The following CHD9 variants were observed in gnomAD, a reference collection of about 807,000 sequenced individuals.
CHD9 encodes the protein chromodomain helicase DNA binding protein 9, also known as ATP-dependent chromatin remodeler CHD9.
CHD9 carries 77 observed loss-of-function variants against 316.1 expected under a neutral mutation model. That is an observed-to-expected ratio of 0.24 (90% CI 0.20 to 0.29). The LOEUF is 0.29. CHD9 is among the 10% of genes least tolerant of loss of function. CHD9 has a pLI of 1.00. For missense variants in CHD9, 2,763 were observed against 3,438.1 expected (o/e 0.80, Z 4.91); for synonymous variants, 1,129 against 1,158.3 (o/e 0.97, Z 0.51).
At chr16:53,311,205 T>A (rs2056452303) in intron 34 of CHD9, 1 of 152,030 alleles carries the variant, frequency 6.6e-6, no homozygotes, top group South Asian at 2.1e-4. Flanking sequence ...TAACACGACT[T>A]TTGCAGCTAT....
chr16:53,170,748 G>T (rs916416470), intron 2 of CHD9, among the ~76,000 whole-genome samples: 2 of 152,166 alleles, frequency 1.3e-5, no homozygotes, highest in South Asian at 4.1e-4. Context: ...GATATTGAGC[G>T]AAGGGATTTG....
At position 53,239,349 on chromosome 16, in the gene CHD9, C is replaced by T. The variant is rs1414050941; in HGVS notation, c.2877+763C>T. Among the ~76,000 whole-genome samples the T allele has an allele frequency of 2.6e-5, 4 of 151,984 alleles. No individual in the cohort carries two copies. The East Asian group carries it at 7.7e-4, about 29-fold the overall frequency. On this transcript the variant is annotated intron_variant, in intron 12 of 38. Coordinates refer to ENST00000447540, the MANE Select transcript of CHD9 (RefSeq NM_001308319.2). ...CTTATAATCTTAACACTTTGGGAGG[C>T]CGAGGTGGGAGGATTGCTTGAGGCC...
At chr16:53,293,605 G>C (rs1456105081) in intron 29 of CHD9, among the ~76,000 whole-genome samples, 1 of 152,022 alleles carries the variant, frequency 6.6e-6, no homozygotes, top group Non-Finnish European at 1.5e-5. Flanking sequence ...GACAGAGCAA[G>C]ACGGTCTCAA....
At chr16:53,100,491 C>A (rs2036770536) in intron 1 of CHD9, among the ~76,000 whole-genome samples, 1 of 134,720 alleles carries the variant, frequency 7.4e-6, no homozygotes, top group Admixed American at 8.1e-5. Context: ...GGGTCTTGCT[C>A]TGTTGCCCAG....
At chr16:53,142,967 T>C (rs1210677282) in intron 1 of CHD9, among the ~76,000 whole-genome samples, 2 of 152,148 alleles carry the variant, frequency 1.3e-5, no homozygotes, top group Non-Finnish European at 2.9e-5. Context: ...CATCCTGTAG[T>C]AGAAAGCAGA....
chr16:53,308,603 C>A, intron 33 of CHD9, 83 bp from the exon 34 acceptor site: 1 of 903,732 alleles, frequency 1.1e-6, no homozygotes, highest in South Asian at 1.6e-5. Flanking sequence ...CATTTTTTTT[C>A]CTCAGTAAAA....
chr16:53,128,660 T>C (rs1277032587), intron 1 of CHD9, among the ~76,000 whole-genome samples: 1 of 152,218 alleles, frequency 6.6e-6, no homozygotes, highest in African/African-American at 2.4e-5. Context: ...ATTTACTAAT[T>C]TGACCCCTAA....
chr16:53,272,915 C>A (rs1236601392), intron 22 of CHD9, among the ~76,000 whole-genome samples: 1 of 151,892 alleles, frequency 6.6e-6, no homozygotes, highest in Non-Finnish European at 1.5e-5. Context: ...ATGGTGAAAC[C>A]CTATCTCTAC....
rs766721545 is a variant in CHD9 at position 53,296,994 on chromosome 16, T to C, written c.5549T>C (p.Val1850Ala). Reference sequence around the variant, plus strand: ...GAAGAAGCTGACTTTTATAGGGTTGTATCTACATTTGGAGTGGTTTTTGAC... The same window carrying C: ...GAAGAAGCTGACTTTTATAGGGTTGCATCTACATTTGGAGTGGTTTTTGAC... ...RREEADFYRV[V>A]STFGVVFDPD... Residue 1850 changes from valine to alanine, a missense_variant, in exon 30 of 39, where the codon GTA becomes GCA. Val to Ala is a moderately conservative substitution (Grantham distance 64). This residue lies in a region of CHD9 where 183 missense variants were observed against 258.5 expected (regional missense o/e 0.71). Transcript: ENST00000447540. 3 of 1,613,904 alleles carry C rather than the reference T, an allele frequency of 1.9e-6. No homozygotes were observed. Among genetic ancestry groups the C allele is most frequent in the Non-Finnish European group, 8.5e-7 (1 of 1,179,810 alleles).
intron 23 of CHD9, 112 bp downstream of exon 23, chr16:53,273,897 A>G (rs902301268): frequency 5.5e-6 from 5 of 915,188 alleles, no homozygotes; most frequent in Non-Finnish European, 8.3e-6. Context: ...TCTAGGGCCA[A>G]TCCTAATCCT....
intron 1 of CHD9, among the ~76,000 whole-genome samples, chr16:53,063,358 TCACA>T (rs67988137): frequency 0.13 from 18,191 of 136,936 alleles, 1,189 homozygotes; most frequent in South Asian, 0.22. Flanking sequence ...CTCATAAATT[TCACA>T]CACACACACA....
rs2042633488 is a variant in CHD9 at position 53,170,582 on chromosome 16, TG to T, written c.1452+13042del. Among the ~76,000 whole-genome samples the T allele has an allele frequency of 1.5e-3, 170 of 117,168 alleles. 1 individual carries two copies. The East Asian group carries it at 0.035, about 24-fold the overall frequency. The allele number at this position is 117,168 out of a possible 152,430, so 76.9% of individuals were successfully genotyped here. A position where few individuals can be genotyped will look rare whatever the true frequency, so the allele number is the denominator to read the frequency against. ...AGTACTAGTATTTTGTAATTTCGTG[TG>T]TGTGTGTGTGTGTGTGTGTGTGTGT... On this transcript the variant is annotated intron_variant, in intron 2 of 38. Coordinates refer to ENST00000447540, the MANE Select transcript of CHD9 (RefSeq NM_001308319.2).
chr16:53,227,336 T>C, intron 5 of CHD9, 60 bp from the exon 6 acceptor site: 1 of 1,037,354 alleles, frequency 9.6e-7, no homozygotes, highest in Non-Finnish European at 1.4e-6. Context: ...ACATACAAAG[T>C]GGCAACTAAA....
chr16:53,199,651 G>T (rs1463278299), intron 2 of CHD9, among the ~76,000 whole-genome samples: 1 of 152,082 alleles, frequency 6.6e-6, no homozygotes, highest in African/African-American at 2.4e-5. Context: ...CTTTCACCCT[G>T]TATGTCTATG....
intron 3 of CHD9, among the ~76,000 whole-genome samples, chr16:53,218,371 T>C (rs185884046): frequency 3.4e-4 from 52 of 152,228 alleles, no homozygotes; most frequent in African/African-American, 1.2e-3. Context: ...ATCTGAGGTG[T>C]GATGGGAAAC....
intron 22 of CHD9, among the ~76,000 whole-genome samples, chr16:53,270,073 C>T (rs964746483): frequency 2.0e-5 from 3 of 151,826 alleles, no homozygotes; most frequent in South Asian, 2.1e-4. Flanking sequence ...GACGTGAACA[C>T]GGCTCACTGC....
At chr16:53,222,475 A>G (rs944478331) in intron 3 of CHD9, among the ~76,000 whole-genome samples, 169 bp from the exon 4 acceptor site, 1 of 152,234 alleles carries the variant, frequency 6.6e-6, no homozygotes, top group Admixed American at 6.5e-5. Flanking sequence ...CCATTAGAAT[A>G]GAGTTTATGT....
At chr16:53,213,161 G>T (rs1171132391) in intron 3 of CHD9, among the ~76,000 whole-genome samples, 5 of 152,176 alleles carry the variant, frequency 3.3e-5, no homozygotes, top group Admixed American at 2.6e-4. Flanking sequence ...ATTTTGACAT[G>T]ACCATGCCTC....
chr16:53,226,754 C>T (rs2047686742), intron 5 of CHD9, among the ~76,000 whole-genome samples: 1 of 152,190 alleles, frequency 6.6e-6, no homozygotes, highest in Non-Finnish European at 1.5e-5. Flanking sequence ...TGAAATTCTT[C>T]AAACTATCTT....
Sources: gnomAD v4.1 joint callset for allele counts (sites outside exome capture counted in the v4.1 genomes callset) on GRCh38, gnomAD v4.1.1 for gene constraint, gnomAD v4.1.1 regional missense constraint, MANE v1.5 for transcripts, NCBI Gene and HGNC (gene_info 2026-07-23, HGNC 2026-07-21) for gene names.